Variants in C2 observed in about 807,000 individuals in gnomAD.
C2 encodes C3/C5 convertase.
C2 carries 64 observed loss-of-function variants against 85.2 expected under a neutral mutation model. The ratio of observed to expected loss-of-function variants is 0.75; its 90% confidence interval spans 0.61 to 0.92. C2 has a LOEUF of 0.92. Among genes scored for constraint, C2 ranks in the 40% least tolerant of loss-of-function variants. The probability of loss-of-function intolerance (pLI) is 0.00; values close to 1 mark genes in which losing one functional copy is unlikely to be tolerated. For missense variants in C2, 820 were observed against 971.6 expected, an observed-to-expected ratio of 0.84 and a Z score of 2.07; for synonymous variants, 311 against 370.8, an observed-to-expected ratio of 0.84 and a Z score of 1.85.
Position 31,943,820 on chromosome 6 carries a change from T to A in C2, c.1733+11T>A, listed in dbSNP as rs1411468286. On this transcript the variant is annotated intron_variant, in intron 13 of 17. Transcript: ENST00000299367. This position sits in a 1 kb window ranked among gnomAD's most constrained non-coding sequence, Gnocchi z 6.4. ...GTCCACCCATGCCAGGTGCCTGGAG[T>A]CTGGGATGGGAGGGTGCCCTGCAGG... 3 of 1,612,502 alleles carry A rather than the reference T, an allele frequency of 1.9e-6. No homozygotes were observed. Among genetic ancestry groups the A allele is most frequent in the Non-Finnish European group, 2.5e-6 (3 of 1,179,812 alleles).
rs1768893882 is a variant in C2, at chr6:31,920,582, G to A, written c.-100+556G>A. ...ACCACCCTCTTACCTGGGTTACCCA[G>A]GGCAGCTCCCCTGATGGGTAGCAAG... On this transcript the variant is annotated intron_variant, in intron 1 of 3. Transcript: ENST00000413154. The surrounding 1 kb of genome is among the most constrained non-coding windows in gnomAD (Gnocchi z 5.6). 6.6e-6 allele frequency among the ~76,000 whole-genome samples: 1 copy of A among 152,074 alleles called. No homozygotes were observed. The highest frequency in any genetic ancestry group is 2.4e-5 in the African/African-American group (1 of 41,410).
At chr6:31,927,361 A>C, upstream of C2, 1 of 413,792 alleles carries the variant, frequency 2.4e-6, no homozygotes, top group Non-Finnish European at 3.9e-6. This position sits in a 1 kb window ranked among gnomAD's most constrained non-coding sequence, Gnocchi z 4.7. Context: ...GCTTTAGACT[A>C]TTGACTATTC....
Position 31,945,302 on chromosome 6 carries a change from T to C in C2, c.2204T>C (p.Met735Thr). 6.2e-7 allele frequency: 1 copy of C among 1,613,076 alleles called. No individual in the cohort carries two copies. The highest frequency in any genetic ancestry group is 1.1e-5 in the South Asian group (1 of 91,088). ...PRDFHINLFR[M>T]QPWLRQHLGD... ...GACTTTCACATCAATCTCTTCCGCATGCAGCCCTGGCTGAGGCAGCACCTG... is the reference window on the plus strand; with the variant it reads ...GACTTTCACATCAATCTCTTCCGCACGCAGCCCTGGCTGAGGCAGCACCTG... The change falls in exon 18 of 18, where the codon ATG becomes ACG. Residue 735 changes from methionine to threonine, a missense_variant. Transcript: ENST00000299367. The surrounding 1 kb of genome is among the most constrained non-coding windows in gnomAD (Gnocchi z 5.3).
rs1218265099 is a variant in C2 at position 31,943,836 on chromosome 6, G to C, written c.1733+27G>C. 6.2e-7 allele frequency: 1 copy of C among 1,612,530 alleles called. No homozygotes were observed. The highest frequency in any genetic ancestry group is 8.5e-7 in the Non-Finnish European group (1 of 1,179,726). ...TGCCTGGAGTCTGGGATGGGAGGGT[G>C]CCCTGCAGGGAAGAGTGCTCTGGAG... On this transcript the variant is annotated intron_variant, in intron 13 of 17. Transcript: ENST00000299367. The surrounding 1 kb of genome is among the most constrained non-coding windows in gnomAD (Gnocchi z 6.4).
At chr6:31,936,581 C>G in intron 7 of C2, 1 of 164,962 alleles carries the variant, frequency 6.1e-6, no homozygotes, top group East Asian at 1.7e-4. Flanking sequence ...GATCTTGGCT[C>G]ACTGCAACCT....
In C2 at chr6:31,944,201, A is replaced by G. The variant is rs747480747; in HGVS notation, c.1877A>G (p.Asn626Ser). 6.2e-7 allele frequency: 1 copy of G among 1,612,030 alleles called. No homozygotes were observed. The highest frequency in any genetic ancestry group is 8.5e-7 in the Non-Finnish European group (1 of 1,179,110). Residue 626 changes from asparagine to serine, a missense_variant, in exon 15 of 18, where the codon AAC becomes AGC. By Grantham distance (46) the Asn-to-Ser change is conservative. Transcript: ENST00000299367. The surrounding 1 kb of genome is among the most constrained non-coding windows in gnomAD (Gnocchi z 5.1). ...HFVALNGSKL[N>S]INLKMGVEWT... is the part of the protein sequence containing the mutation. ...GTCGCCTTGAATGGGAGCAAACTGAACATTAACCTTAAGATGGGAGTGGAG... is the reference window on the plus strand; with the variant it reads ...GTCGCCTTGAATGGGAGCAAACTGAGCATTAACCTTAAGATGGGAGTGGAG...
rs988835742 is a variant in C2 at position 31,914,773 on chromosome 6, C to T, written c.73+13634C>T. ...TAAAAATACAAAAAAATTAGCCAGG[C>T]GTGGTGGCAGGCGCCTGTAGTCCCA... On this transcript the variant is annotated intron_variant, in intron 1 of 3. Transcript: ENST00000452202. Among the ~76,000 whole-genome samples the T allele has an allele frequency of 2.0e-5, 3 of 151,490 alleles. No individual in the cohort carries two copies. In the South Asian group the frequency reaches 6.2e-4, roughly 32 times the overall value.
upstream of C2, chr6:31,899,817 C>T (rs1381130592): frequency 5.0e-6 from 6 of 1,210,352 alleles, no homozygotes; most frequent in Middle Eastern, 2.9e-4. Context: ...CAGCCTCCCA[C>T]TCTTACCTTT....
At position 31,935,718 on chromosome 6, in the gene C2, C is replaced by A. The variant is rs868371036; in HGVS notation, c.850-205C>A. Among the ~76,000 whole-genome samples the A allele has an allele frequency of 6.6e-6, 1 of 152,118 alleles. No homozygotes were observed. Among genetic ancestry groups the A allele is most frequent in the African/African-American group, 2.4e-5 (1 of 41,412 alleles). Reference sequence around the variant, plus strand: ...TCCTGACCTCAGGTGATCCACCTGCCTAAAGTGTTGGGATTCAGGCATGAG... The same window carrying A: ...TCCTGACCTCAGGTGATCCACCTGCATAAAGTGTTGGGATTCAGGCATGAG... On this transcript the variant is annotated intron_variant, in intron 6 of 17. Transcript: ENST00000299367. The surrounding 1 kb of genome is among the most constrained non-coding windows in gnomAD (Gnocchi z 4.3).
rs3130683 is a variant in C2 at position 31,920,590 on chromosome 6, C to T, written c.-100+564C>T. The stretch of plus-strand genomic sequence containing the variant: ...CTTACCTGGGTTACCCAGGGCAGCT[C>T]CCCTGATGGGTAGCAAGAAGTGGGT... On this transcript the variant is annotated intron_variant, in intron 1 of 3. Coordinates refer to the C2 transcript ENST00000413154. The surrounding 1 kb of genome is among the most constrained non-coding windows in gnomAD (Gnocchi z 5.6). Among the ~76,000 whole-genome samples the T allele has an allele frequency of 0.91, 138,872 of 152,124 alleles. 63,615 individuals carry two copies. Among genetic ancestry groups the T allele is most frequent in the East Asian group, 1 (5,141 of 5,164 alleles).
Position 31,928,505 on chromosome 6 carries a change from T to C in C2, c.257-227T>C, listed in dbSNP as rs1247361140. Reference sequence around the variant, plus strand: ...GGGGAGGCCACGGCCCTCAGGAGACTGAGGGAAGTGGCTATTTATCAATCA... The same window carrying C: ...GGGGAGGCCACGGCCCTCAGGAGACCGAGGGAAGTGGCTATTTATCAATCA... On this transcript the variant is annotated intron_variant, in intron 2 of 17. Transcript: ENST00000299367. Among the ~76,000 whole-genome samples, 5 of 152,258 alleles carry C rather than the reference T, an allele frequency of 3.3e-5. No homozygotes were observed. In the East Asian group the frequency reaches 9.7e-4, roughly 29 times the overall value.
intron 3 of C2, among the ~76,000 whole-genome samples, chr6:31,931,290 A>G (rs1019613399): frequency 7.8e-6 from 1 of 127,942 alleles, no homozygotes; most frequent in Non-Finnish European, 1.6e-5. Flanking sequence ...TTAATTGATC[A>G]TTCTTGGGTG....
At chr6:31,932,166 G>C (rs9267707) in intron 3 of C2, among the ~76,000 whole-genome samples, 1 of 142,046 alleles carries the variant, frequency 7.0e-6, no homozygotes, top group African/African-American at 2.7e-5. Context: ...CGGGCAGAGT[G>C]GCTCCTCACT....
Position 31,943,925 on chromosome 6 carries a change from G to A in C2, c.1742G>A (p.Cys581Tyr). Residue 581 changes from cysteine to tyrosine, a missense_variant, in exon 14 of 18, where the codon TGC (cysteine) becomes TAC (tyrosine). Transcript: ENST00000299367. The surrounding 1 kb of genome is among the most constrained non-coding windows in gnomAD (Gnocchi z 6.4). ...CTTGCTCTTCTCCCCAGGCCCATCT[G>A]CCTTCCCTGCACGATGGAGGCCAAT... Reference protein sequence around the residue: ...VKMSTHARPICLPCTMEANLA... With the variant: ...VKMSTHARPIYLPCTMEANLA... 1 of 1,612,860 alleles carries A rather than the reference G, an allele frequency of 6.2e-7. No homozygotes were observed. The highest frequency in any genetic ancestry group is 8.5e-7 in the Non-Finnish European group (1 of 1,179,982).
At position 31,944,650 on chromosome 6, in the gene C2, A is replaced by T; in HGVS notation, c.1903-77A>T. ...CCTGCCTCAACCTCCCAAAGTGCTG[A>T]GATTACAGGCGTGAGCCACTGCACC... On this transcript the variant is annotated intron_variant, in intron 15 of 17. Transcript: ENST00000299367. The surrounding 1 kb of genome is among the most constrained non-coding windows in gnomAD (Gnocchi z 5.1). 3.3e-6 allele frequency: 5 copies of T among 1,525,194 alleles called. No individual in the cohort carries two copies. In the South Asian group the frequency reaches 5.6e-5, roughly 17 times the overall value. The allele number at this position is 1,525,194 out of a possible 1,614,324, so 94.5% of individuals were successfully genotyped here. A position where few individuals can be genotyped will look rare whatever the true frequency, so the allele number is the denominator to read the frequency against.
upstream of C2, among the ~76,000 whole-genome samples, chr6:31,923,924 C>T (rs973368149): frequency 2.6e-5 from 4 of 151,972 alleles, no homozygotes; most frequent in East Asian, 1.9e-4. Flanking sequence ...CTCAGCCTCC[C>T]GAGTAGCTGG....
chr6:31,928,060 G>T lies in C2; in HGVS notation c.152G>T (p.Cys51Phe). The change falls in exon 2 of 18, where the codon TGC becomes TTC. Residue 51 changes from cysteine (C) to phenylalanine (F), a missense_variant. Cys to Phe is a radical substitution (Grantham distance 205). Coordinates refer to ENST00000299367, the MANE Select transcript of C2 (RefSeq NM_000063.6). ...WAPGSLLTYS[C>F]PQGLYPSPAS... ...CCTGGGAGCCTTCTCACCTACTCCT[G>T]CCCCCAGGGCCTGTACCCATCCCCA... is the stretch of plus-strand genomic sequence containing the variant. 1 of 1,613,976 alleles carries T rather than the reference G, an allele frequency of 6.2e-7. No individual in the cohort carries two copies. The highest frequency in any genetic ancestry group is 8.5e-7 in the Non-Finnish European group (1 of 1,179,982).
At chr6:31,939,510 C>CTTTT (rs896123643) in intron 9 of C2, among the ~76,000 whole-genome samples, 190 bp downstream of exon 9, 33 of 126,400 alleles carry the variant, frequency 2.6e-4, no homozygotes, top group African/African-American at 8.7e-4. Flanking sequence ...ACCTTACCTT[C>CTTTT]TTTTTTTTTT....
chr6:31,914,804 T>C lies in C2; in HGVS notation c.73+13665T>C, dbSNP rs192047145. 6.2e-3 allele frequency among the ~76,000 whole-genome samples: 942 copies of C among 151,724 alleles called. 14 individuals are homozygous for C. Among genetic ancestry groups the C allele is most frequent in the South Asian group, 0.02 (98 of 4,788 alleles). ...GGCAGGCGCCTGTAGTCCCAGCTAC[T>C]TGGGAGGCTGAGGCAGGAGAATGGC... On this transcript the variant is annotated intron_variant, in intron 1 of 3. Transcript: ENST00000452202.
Sources: gnomAD v4.1 joint callset for allele counts (sites outside exome capture counted in the v4.1 genomes callset) on GRCh38, gnomAD v4.1.1 for gene constraint, Gnocchi (gnomAD v3.1) non-coding constraint, MANE v1.5 for transcripts, NCBI Gene and HGNC (gene_info 2026-07-23, HGNC 2026-07-21) for gene names.